RPAP1: variants seen among roughly 807,000 people sequenced by gnomAD.
RPAP1 encodes RNA polymerase II-associated protein 1.
In RPAP1, 109 loss-of-function variants were observed where a neutral mutation model predicts 142.4. That is an observed-to-expected ratio of 0.77 (90% CI 0.66 to 0.90). The LOEUF (loss-of-function observed/expected upper bound fraction) is 0.90, where lower values mean the gene tolerates loss of function less well. RPAP1 is among the 40% of genes least tolerant of loss of function. The pLI, the probability that RPAP1 is intolerant of heterozygous loss-of-function variation, is 0.00. For synonymous variants in RPAP1, 704 were observed against 738.9 expected (o/e 0.95, Z 0.77); for missense variants, 1,546 against 1,751.7 (o/e 0.88, Z 2.10).
intron 11 of RPAP1, 37 bp from the exon 12 acceptor site, chr15:41,527,642 G>C: frequency 1.3e-6 from 2 of 1,581,624 alleles, no homozygotes; most frequent in Non-Finnish European, 1.7e-6. Context: ...CAATGCTGAA[G>C]GGGCCAGGAA....
chr15:41,536,506 T>C lies in RPAP1; in HGVS notation c.325A>G (p.Ile109Val). The C allele has an allele frequency of 6.2e-7, 1 of 1,614,084 alleles. No homozygotes were observed. The highest frequency in any genetic ancestry group is 8.5e-7 in the Non-Finnish European group (1 of 1,180,014). The stretch of plus-strand genomic sequence containing the variant: ...TCAGCCAGAGTGAGACGCACAATAA[T>C]CTTAGTCAAGACAGCAGTGATGTGC... ...DQHITAVLTK[I>V]IERDTSSVAV... The change falls in exon 3 of 25, where the codon ATT (isoleucine) becomes GTT (valine). Residue 109 changes from isoleucine to valine, a missense_variant. Around this residue, in one of 3 missense-constraint regions of RPAP1, gnomAD observed 1,333 missense variants for 1,486.6 expected, o/e 0.90. Coordinates refer to ENST00000304330, the MANE Select transcript of RPAP1 (RefSeq NM_015540.4).
chr15:41,527,385 C>T (rs1305119763), intron 12 of RPAP1, 38 bp downstream of exon 12: 1 of 1,613,284 alleles, frequency 6.2e-7, no homozygotes, highest in South Asian at 1.1e-5. Flanking sequence ...TGTGCTTGTC[C>T]CCTGGGCCAT....
In RPAP1 at chr15:41,529,997, G is replaced by C. The variant is rs375944317; in HGVS notation, c.944-18C>G. 3.4e-5 allele frequency: 55 copies of C among 1,603,156 alleles called. No individual in the cohort carries two copies. In the Middle Eastern group the frequency reaches 6.6e-4, roughly 19 times the overall value. The stretch of plus-strand genomic sequence containing the variant: ...TGCCAGAGCTGGGGAGACAAAGCAT[G>C]ATAGTATTACCCAAACGGCTCAGCT... On this transcript the variant is annotated intron_variant, in intron 7 of 24. Coordinates refer to ENST00000304330, the MANE Select transcript of RPAP1 (RefSeq NM_015540.4).
Position 41,537,010 on chromosome 15 carries a change from C to T in RPAP1, c.116G>A (p.Gly39Asp), listed in dbSNP as rs753255897. Residue 39 changes from glycine to aspartate, a missense_variant, in exon 2 of 25, where the codon GGC becomes GAC. Physicochemically the swap from Gly to Asp is moderately conservative, Grantham distance 94. Transcript: ENST00000304330. ...CCGGTCTGAGTTGGCATCACCACCG[C>T]CCCTATTTCCTTTCTTCACCAACTG... is the stretch of plus-strand genomic sequence containing the variant. ...AVQLVKKGNR[G>D]GGDANSDRPP... 5.0e-6 allele frequency: 8 copies of T among 1,614,118 alleles called. No individual in the cohort carries two copies. The highest frequency in any genetic ancestry group is 6.8e-6 in the Non-Finnish European group (8 of 1,180,020).
At chr15:41,539,621 G>A (rs2051951031) in intron 1 of RPAP1, among the ~76,000 whole-genome samples, 1 of 151,580 alleles carries the variant, frequency 6.6e-6, no homozygotes, top group Non-Finnish European at 1.5e-5. Flanking sequence ...ACAGAGACAG[G>A]ATTTCACCAT....
chr15:41,534,583 CAAAAAAAAAAAA>C (rs764568682), intron 6 of RPAP1, 119 bp downstream of exon 6: 8 of 179,562 alleles, frequency 4.5e-5, no homozygotes, highest in South Asian at 1.3e-4. Flanking sequence ...AAGACCATCT[CAAAAAAAAAAAA>C]AAAAAAAAAA....
Position 41,518,063 on chromosome 15 carries a change from A to G in RPAP1, c.3915T>C (p.Tyr1305=). ...TATTGACATGAGCCACAGCCACAGC[A>G]TAGAGCACGGGGCACCAACGTGGGC... ...ALRPRWCPVL[Y]AVAVAHVNSF... is the part of the protein sequence containing the mutation. Residue 1305 remains tyrosine (Y), a synonymous_variant, in exon 23 of 25, where the codon TAT becomes TAC. Coordinates refer to ENST00000304330, the MANE Select transcript of RPAP1 (RefSeq NM_015540.4). 3 of 1,613,790 alleles carry G rather than the reference A, an allele frequency of 1.9e-6. No homozygotes were observed. Among genetic ancestry groups the G allele is most frequent in the Admixed American group, 1.7e-5 (1 of 59,880 alleles).
chr15:41,524,106 C>A lies in RPAP1; in HGVS notation c.2224G>T (p.Glu742Ter). Residue 742 changes from glutamate to a stop codon, truncating the protein, a stop_gained, in exon 16 of 25, where the codon GAA becomes TAA. Transcript: ENST00000304330. LOFTEE classifies it high-confidence loss of function. ...CTGGCTATAAACTACCTGATGGTTT[C>A]AGCAGGGGTACTGCCGGCTGCCAGG... ...LTLAAGSTPA[E>*]TISDSAEASL... 1 of 1,590,296 alleles carries A rather than the reference C, an allele frequency of 6.3e-7. No homozygotes were observed. The highest frequency in any genetic ancestry group is 2.2e-5 in the East Asian group (1 of 44,618).
In RPAP1 at chr15:41,525,159, GCA is replaced by G. The variant is rs776982487; in HGVS notation, c.1918-13_1918-12del. 2 of 1,599,552 alleles carry G rather than the reference GCA, an allele frequency of 1.3e-6. No individual in the cohort carries two copies. Among genetic ancestry groups the G allele is most frequent in the South Asian group, 1.1e-5 (1 of 88,144 alleles). Reference sequence around the variant, plus strand: ...ATCAAAGCTGCTCAACTGGAAATGGGCACAGTCTGAGGATCAGGGTCAGCTGT... The same window carrying G: ...ATCAAAGCTGCTCAACTGGAAATGGGCAGTCTGAGGATCAGGGTCAGCTGT... On this transcript the variant is annotated splice_polypyrimidine_tract_variant and intron_variant, in intron 14 of 24. Transcript: ENST00000304330.
Position 41,529,578 on chromosome 15 carries a change from A to C in RPAP1, c.1060-10T>G, listed in dbSNP as rs1186101189. 6 of 1,586,292 alleles carry C rather than the reference A, an allele frequency of 3.8e-6. No individual in the cohort carries two copies. The Admixed American group carries it at 8.4e-5, about 22-fold the overall frequency. ...ATCGAGCCTGCATCCTCTAATGGGA[A>C]GAGAAAGAGGACTGTGGTCTGGGGG... On this transcript the variant is annotated splice_polypyrimidine_tract_variant and intron_variant, in intron 8 of 24. Transcript: ENST00000304330.
intron 7 of RPAP1, 103 bp from the exon 8 acceptor site, chr15:41,530,082 G>T (rs2051833373): frequency 1.2e-6 from 1 of 838,168 alleles, no homozygotes; most frequent in Non-Finnish European, 2.0e-6. Context: ...TCTGTTCCAG[G>T]ATCTGCCAGC....
intron 22 of RPAP1, among the ~76,000 whole-genome samples, chr15:41,518,691 A>AT (rs2140753977): frequency 6.6e-6 from 1 of 151,376 alleles, no homozygotes; most frequent in African/African-American, 2.4e-5. Flanking sequence ...AAAAAAAAAA[A>AT]AATTAGCCAG....
intron 22 of RPAP1, among the ~76,000 whole-genome samples, chr15:41,518,819 C>G (rs2051695558): frequency 1.3e-5 from 2 of 152,106 alleles, no homozygotes; most frequent in African/African-American, 4.8e-5. Context: ...GCACTCTAGC[C>G]TGAGCAACAG....
chr15:41,528,944 A>C (rs551738074), intron 9 of RPAP1, among the ~76,000 whole-genome samples: 6 of 152,106 alleles, frequency 3.9e-5, no homozygotes, highest in Non-Finnish European at 8.8e-5. Context: ...ATGGAGAGTG[A>C]GCAGACCAAG....
Position 41,527,617 on chromosome 15 carries a change from A to G in RPAP1, c.1429-12T>C. 1 of 1,606,864 alleles carries G rather than the reference A, an allele frequency of 6.2e-7. No individual in the cohort carries two copies. The highest frequency in any genetic ancestry group is 8.5e-7 in the Non-Finnish European group (1 of 1,176,940). On this transcript the variant is annotated splice_polypyrimidine_tract_variant and intron_variant, in intron 11 of 24. Transcript: ENST00000304330. ...CTGTCGAGGAGCTCCTGCCAGAGGA[A>G]CGGGAGTTGGGGGGCAATGCTGAAG...
At position 41,525,143 on chromosome 15, in the gene RPAP1, G is replaced by A; in HGVS notation, c.1923C>T (p.Ser641=). The part of the protein sequence containing the change: ...AGRNIAARLL[S]SFDLRSRLCR... ...ACAGGCGGCTCCGGAGATCAAAGCT[G>A]CTCAACTGGAAATGGGCACAGTCTG... is the stretch of plus-strand genomic sequence containing the variant. Residue 641 remains serine, a synonymous_variant, in exon 15 of 25, where the codon AGC becomes AGT. Coordinates refer to ENST00000304330, the MANE Select transcript of RPAP1 (RefSeq NM_015540.4). 1 of 1,607,698 alleles carries A rather than the reference G, an allele frequency of 6.2e-7. No individual in the cohort carries two copies. The highest frequency in any genetic ancestry group is 8.5e-7 in the Non-Finnish European group (1 of 1,176,996).
rs776098487 is a variant in RPAP1, at chr15:41,531,009, C to T, written c.943+14G>A. On this transcript the variant is annotated intron_variant, in intron 7 of 24. Coordinates refer to ENST00000304330, the MANE Select transcript of RPAP1 (RefSeq NM_015540.4). ...CTTTTATCCACCAAAATATGACCCC[C>T]GCCTCCTGCAAACCTGGGGCTTCTG... The T allele has an allele frequency of 8.7e-6, 14 of 1,604,854 alleles. No individual in the cohort carries two copies. The highest frequency in any genetic ancestry group is 3.3e-5 in the Admixed American group (2 of 59,868).
At chr15:41,537,413 T>A (rs1334856105) in intron 1 of RPAP1, among the ~76,000 whole-genome samples, 1 of 152,080 alleles carries the variant, frequency 6.6e-6, no homozygotes, top group Non-Finnish European at 1.5e-5. Context: ...AATCTATAGG[T>A]GATAAAACTC....
Position 41,537,162 on chromosome 15 carries a change from C to A in RPAP1, c.-37G>T. 1 of 1,594,346 alleles carries A rather than the reference C, an allele frequency of 6.3e-7. No homozygotes were observed. The highest frequency in any genetic ancestry group is 1.1e-5 in the South Asian group (1 of 89,234). ...AGCTGCCTCCCCAGTACGACTCTCT[C>A]CAGCAGTGTCTCCGTGTGGGGGTTC... is the stretch of plus-strand genomic sequence containing the variant. On this transcript the variant is annotated 5_prime_UTR_variant, in exon 2 of 25. Coordinates refer to ENST00000304330, the MANE Select transcript of RPAP1 (RefSeq NM_015540.4).
Sources: allele counts gnomAD v4.1 joint callset (sites outside exome capture counted in the v4.1 genomes callset), GRCh38; gene constraint gnomAD v4.1.1; regional missense constraint gnomAD v4.1.1; transcripts MANE v1.5; gene names NCBI Gene and HGNC (gene_info 2026-07-23, HGNC 2026-07-21).